The following CUL9 variants were observed in gnomAD, a reference collection of about 807,000 sequenced individuals.
CUL9 encodes cullin 9, also known as cullin-9.
A neutral mutation model predicts 272.6 loss-of-function variants in CUL9; 79 were observed. That is an observed-to-expected ratio of 0.29 (90% CI 0.24 to 0.35). The LOEUF (loss-of-function observed/expected upper bound fraction) is 0.35. Among genes scored for constraint, CUL9 ranks in the 10% least tolerant of loss-of-function variants. CUL9 has a pLI of 1.00. For synonymous variants in CUL9, 1,186 were observed against 1,286.5 expected (o/e 0.92, Z 1.67); for missense variants, 2,532 against 3,255.6 (o/e 0.78, Z 5.41).
intron 8 of CUL9, 95 bp from the exon 9 acceptor site, chr6:43,192,906 G>A: frequency 9.5e-7 from 1 of 1,057,018 alleles, no homozygotes; most frequent in East Asian, 2.4e-5. Context: ...AGATCTTGGT[G>A]GATGGGATTG....
In CUL9 at chr6:43,206,626, C is replaced by T. The variant is rs1007698722; in HGVS notation, c.5212+116C>T. The T allele has an allele frequency of 2.4e-5, 21 of 860,096 alleles. No individual in the cohort carries two copies. Among genetic ancestry groups the T allele is most frequent in the Admixed American group, 5.2e-5 (2 of 38,820 alleles). 53.3% of individuals were successfully genotyped at this position (860,096 alleles called of 1,614,324 possible). A position where few individuals can be genotyped will look rare whatever the true frequency, so the allele number is the denominator to read the frequency against. On this transcript the variant is annotated intron_variant, in intron 26 of 40. Coordinates refer to ENST00000252050, the MANE Select transcript of CUL9 (RefSeq NM_015089.4). This position sits in a 1 kb window ranked among gnomAD's most constrained non-coding sequence, Gnocchi z 4.8. The stretch of plus-strand genomic sequence containing the variant: ...TGTGAAGAAAAATATCAGCTCCTAG[C>T]GAGGGATGAGAAAGCATGGGTTGTA...
chr6:43,189,405 C>T (rs750605105), intron 8 of CUL9, among the ~76,000 whole-genome samples: 1 of 152,184 alleles, frequency 6.6e-6, no homozygotes, highest in Non-Finnish European at 1.5e-5. Flanking sequence ...AGGATGGTCT[C>T]GATCTTCTGA....
Position 43,203,718 on chromosome 6 carries a change from G to T in CUL9, c.4025+126G>T. ...GGACATGAGGGGGAAGGTGAACGTA[G>T]GTGAGAAGTTTGTGTTAATTGGGAA... On this transcript the variant is annotated intron_variant, in intron 19 of 40. Coordinates refer to ENST00000252050, the MANE Select transcript of CUL9 (RefSeq NM_015089.4). This position sits in a 1 kb window ranked among gnomAD's most constrained non-coding sequence, Gnocchi z 5.0. 1 of 1,506,952 alleles carries T rather than the reference G, an allele frequency of 6.6e-7. No homozygotes were observed. The highest frequency in any genetic ancestry group is 1.3e-5 in the South Asian group (1 of 77,914). 93.3% of individuals were successfully genotyped at this position (1,506,952 alleles called of 1,614,324 possible).
chr6:43,222,333 C>T lies in CUL9; in HGVS notation c.6864C>T (p.Arg2288=). ...CTTGCTAGGTAAGCAAGGCAGCTCG[C>T]CAGGAGAAGCGGTTTCAGGACTATA... ...NCSAMVSKAA[R]QEKRFQDYNE... The change falls in exon 36 of 41, where the codon CGC becomes CGT. Residue 2288 remains arginine (R), a synonymous_variant. Coordinates refer to ENST00000252050, the MANE Select transcript of CUL9 (RefSeq NM_015089.4). The T allele has an allele frequency of 6.2e-7, 1 of 1,614,110 alleles. No homozygotes were observed. The highest frequency in any genetic ancestry group is 8.5e-7 in the Non-Finnish European group (1 of 1,180,010).
intron 37 of CUL9, 53 bp downstream of exon 37, chr6:43,222,694 G>T: frequency 1.2e-6 from 2 of 1,605,888 alleles, no homozygotes; most frequent in South Asian, 2.2e-5. Context: ...AATGGGTCTG[G>T]GGGGCTTGGC....
intron 26 of CUL9, among the ~76,000 whole-genome samples, chr6:43,211,524 C>T (rs1163817572): frequency 6.6e-6 from 1 of 152,154 alleles, no homozygotes; most frequent in Non-Finnish European, 1.5e-5. Context: ...TGCCACTGCA[C>T]TCCAGCCTGG....
chr6:43,216,622 AT>A, intron 31 of CUL9, 119 bp downstream of exon 31: 1 of 937,302 alleles, frequency 1.1e-6, no homozygotes, highest in Non-Finnish European at 1.6e-6. Flanking sequence ...GCAATAGTGG[AT>A]TTAGTCTCTT....
chr6:43,200,127 A>C lies in CUL9; in HGVS notation c.3355A>C (p.Thr1119Pro), dbSNP rs1582353954. 6.2e-7 allele frequency: 1 copy of C among 1,613,932 alleles called. No individual in the cohort carries two copies. Among genetic ancestry groups the C allele is most frequent in the African/African-American group, 1.3e-5 (1 of 74,956 alleles). Residue 1119 changes from threonine (T) to proline (P), a missense_variant, in exon 14 of 41, where the codon ACC becomes CCC. By Grantham distance (38) the Thr-to-Pro change is conservative (BLOSUM62 -1). This residue lies in a region of CUL9 where 2,218 missense variants were observed against 2,788.6 expected (regional missense o/e 0.80). Coordinates refer to ENST00000252050, the MANE Select transcript of CUL9 (RefSeq NM_015089.4). The surrounding 1 kb of genome is among the most constrained non-coding windows in gnomAD (Gnocchi z 4.0). ...GTACGCACAGCTCTATAGCAACCTC[A>C]CCTCCAGCATCCTGGCCGGCTGCAT... ...EKYAQLYSNL[T>P]SSILAGCIQM...
intron 21 of CUL9, 81 bp from the exon 22 acceptor site, chr6:43,204,667 T>C (rs1485239201): frequency 5.3e-5 from 84 of 1,581,826 alleles, no homozygotes; most frequent in South Asian, 1.1e-4. Context: ...TACTGGCCTT[T>C]CCAGGAGATC....
rs774028024 is a variant in CUL9 at position 43,204,795 on chromosome 6, G to A, written c.4387G>A (p.Val1463Met). ...GGACCGGAGCCCGGCGCCTTCGCCAGTGCTTCCAAGCAGCAGCCTGAGGAA... is the reference window on the plus strand; with the variant it reads ...GGACCGGAGCCCGGCGCCTTCGCCAATGCTTCCAAGCAGCAGCCTGAGGAA... The part of the protein sequence containing the change: ...GRDRSPAPSP[V>M]LPSSSLRNIT... Residue 1463 changes from valine to methionine, a missense_variant, in exon 22 of 41, where the codon GTG becomes ATG. Physicochemically the swap from Val to Met is conservative, Grantham distance 21. This residue lies in a region of CUL9 where 2,218 missense variants were observed against 2,788.6 expected (regional missense o/e 0.80). Transcript: ENST00000252050. 16 of 1,614,228 alleles carry A rather than the reference G, an allele frequency of 9.9e-6. No individual in the cohort carries two copies. In the South Asian group the frequency reaches 1.1e-4, roughly 11 times the overall value.
chr6:43,193,628 C>A (rs993397799), intron 9 of CUL9, among the ~76,000 whole-genome samples: 1 of 152,094 alleles, frequency 6.6e-6, no homozygotes, highest in Non-Finnish European at 1.5e-5. Context: ...GTCACTACAA[C>A]CTCCACCTCC....
chr6:43,205,109 T>A lies in CUL9; in HGVS notation c.4626T>A (p.Ala1542=). 1 of 1,585,162 alleles carries A rather than the reference T, an allele frequency of 6.3e-7. No individual in the cohort carries two copies. Among genetic ancestry groups the A allele is most frequent in the Non-Finnish European group, 8.6e-7 (1 of 1,163,716 alleles). The change falls in exon 23 of 41, where the codon GCT becomes GCA. Residue 1542 remains alanine (A), a synonymous_variant. Transcript: ENST00000252050. ...TGCTGCAGCAGTCCTTCCTCACTGC[T>A]GCTCACGTGAGTCCCACCAGCTCCC... ...GALLQQSFLT[A]AHMSEQFARY...
At chr6:43,211,017 T>C (rs976449802) in intron 26 of CUL9, among the ~76,000 whole-genome samples, 9 of 152,250 alleles carry the variant, frequency 5.9e-5, no homozygotes, top group African/African-American at 2.2e-4. Flanking sequence ...ACCTGCATCA[T>C]TGATTGGCTA....
chr6:43,188,257 T>C, intron 7 of CUL9, 139 bp downstream of exon 7: 4 of 1,001,794 alleles, frequency 4.0e-6, no homozygotes, highest in Non-Finnish European at 5.7e-6. Context: ...CATGCGTCCA[T>C]CTTCTTCCTT....
chr6:43,216,159 C>A lies in CUL9; in HGVS notation c.5938C>A (p.Pro1980Thr). The A allele has an allele frequency of 6.2e-7, 1 of 1,601,146 alleles. No individual in the cohort carries two copies. The highest frequency in any genetic ancestry group is 8.6e-7 in the Non-Finnish European group (1 of 1,169,410). ...GSQSETSKPS[P>T]EAVATLASLQ... ...TTCTGTCTCTTCCCTCCCCACAAGC[C>A]CAGAAGCTGTGGCTACCCTGGCATC... is the stretch of plus-strand genomic sequence containing the variant. The change falls in exon 31 of 41, where the codon CCA becomes ACA. Residue 1980 changes from proline to threonine, a missense_variant and splice_region_variant. By Grantham distance (38) the Pro-to-Thr change is conservative. Transcript: ENST00000252050.
intron 26 of CUL9, chr6:43,212,762 T>C (rs1775623265): frequency 5.8e-6 from 1 of 171,218 alleles, no homozygotes; most frequent in South Asian, 1.6e-4. Context: ...CTTCCTTGCT[T>C]TCCAGTATGA....
Position 43,215,330 on chromosome 6 carries a change from G to A in CUL9, c.5936+4G>A, listed in dbSNP as rs1040091183. The A allele has an allele frequency of 6.2e-7, 1 of 1,603,026 alleles. No homozygotes were observed. The highest frequency in any genetic ancestry group is 8.5e-7 in the Non-Finnish European group (1 of 1,175,684). ...AGAGCGAAACCTCCAAGCCCAGGTAGCCACTGCACCTGACCCCTTGCAGTG... is the reference window on the plus strand; with the variant it reads ...AGAGCGAAACCTCCAAGCCCAGGTAACCACTGCACCTGACCCCTTGCAGTG... On this transcript the variant is annotated splice_donor_region_variant and intron_variant, in intron 30 of 40. Transcript: ENST00000252050.
intron 11 of CUL9, among the ~76,000 whole-genome samples, chr6:43,197,424 A>G (rs1418078369): frequency 6.6e-6 from 1 of 151,990 alleles, no homozygotes; most frequent in Non-Finnish European, 1.5e-5. Context: ...GTATTATTGG[A>G]CAGTAGAAGA....
chr6:43,186,581 A>C, intron 4 of CUL9, 126 bp downstream of exon 4: 1 of 1,358,156 alleles, frequency 7.4e-7, no homozygotes, highest in Non-Finnish European at 9.8e-7. Flanking sequence ...GGAATGATAC[A>C]AGGGGGTTGG....
Sources: allele counts gnomAD v4.1 joint callset (sites outside exome capture counted in the v4.1 genomes callset), GRCh38; gene constraint gnomAD v4.1.1; regional missense constraint gnomAD v4.1.1; non-coding constraint Gnocchi (gnomAD v3.1); transcripts MANE v1.5; gene names NCBI Gene and HGNC (gene_info 2026-07-23, HGNC 2026-07-21).